Variants in LTBP4 observed in about 807,000 individuals in gnomAD.
The protein encoded by LTBP4 is latent-transforming growth factor beta-binding protein 4.
In LTBP4, 93 loss-of-function variants were observed where a neutral mutation model predicts 180.2. The observed-to-expected ratio is 0.52, with a 90% CI of 0.44 to 0.61. The LOEUF (loss-of-function observed/expected upper bound fraction) is 0.61, where lower values mean the gene tolerates loss of function less well. Among genes scored for constraint, LTBP4 ranks in the 20% least tolerant of loss-of-function variants. The probability of loss-of-function intolerance (pLI) is 0.00; values close to 1 mark genes in which losing one functional copy is unlikely to be tolerated. For synonymous variants in LTBP4, 947 were observed against 934.5 expected, an observed-to-expected ratio of 1.01 and a Z score of -0.24; for missense variants, 2,116 against 2,256.5, an observed-to-expected ratio of 0.94 and a Z score of 1.26.
In LTBP4 at chr19:40,625,297, TA is replaced by T. The variant is rs1568414535; in HGVS notation, c.3833-559del. 4.5e-3 allele frequency among the ~76,000 whole-genome samples: 93 copies of T among 20,536 alleles called. 17 individuals are homozygous for T. Among genetic ancestry groups the T allele is most frequent in the East Asian group, 4.9e-3 (4 of 824 alleles). The allele number at this position is 20,536 out of a possible 152,430, so 13.5% of individuals were successfully genotyped here. A position where few individuals can be genotyped will look rare whatever the true frequency, so the allele number is the denominator to read the frequency against. On this transcript the variant is annotated intron_variant, in intron 26 of 29. Coordinates refer to ENST00000396819, the MANE Select transcript of LTBP4 (RefSeq NM_001042545.2). ...ATATATATATATATATATATATATA[TA>T]TATATATATATATATATATTTTTTT...
rs374404217 is a variant in LTBP4 at position 40,627,126 on chromosome 19, G to A, written c.4137G>A (p.Ala1379=). ...PYGPELYPPP[A]LPYDPYPPPP... is the part of the protein sequence containing the mutation. ...GGCCTGAGTTGTACCCACCACCTGC[G>A]CTACCCTACGACCCCTACCCACCGC... The change falls in exon 28 of 30, where the codon GCG becomes GCA. Residue 1379 remains alanine, a synonymous_variant. Coordinates refer to ENST00000396819, the MANE Select transcript of LTBP4 (RefSeq NM_001042545.2). 3 of 1,613,732 alleles carry A rather than the reference G, an allele frequency of 1.9e-6. No homozygotes were observed. The highest frequency in any genetic ancestry group is 1.7e-5 in the Admixed American group (1 of 59,974).
intron 22 of LTBP4, among the ~76,000 whole-genome samples, chr19:40,620,270 G>T (rs1265531440): frequency 2.0e-5 from 3 of 149,344 alleles, no homozygotes; most frequent in East Asian, 3.9e-4. Flanking sequence ...AGACAGGGTC[G>T]TACTTTCACC....
intron 22 of LTBP4, 104 bp downstream of exon 22, chr19:40,619,597 T>C (rs1599873752): frequency 7.9e-7 from 1 of 1,267,216 alleles, no homozygotes; most frequent in East Asian, 2.5e-5. Flanking sequence ...TAAATACTGT[T>C]GTTTTAAACA....
In LTBP4 at chr19:40,611,198, C is replaced by T. The variant is rs1411042796; in HGVS notation, c.1857C>T (p.Ala619=). 5.6e-6 allele frequency: 9 copies of T among 1,613,608 alleles called. No homozygotes were observed. In the African/African-American group the frequency reaches 1.1e-4, roughly 19 times the overall value. The part of the protein sequence containing the change: ...TQSPGLCGRG[A]CKNLPGSFRC... ...GCCCAGGCCTGTGTGGCCGAGGGGC[C>T]TGCAAGAACCTGCCTGGCTCTTTCC... The change falls in exon 13 of 30, where the codon GCC becomes GCT. Residue 619 remains alanine, a synonymous_variant. Transcript: ENST00000396819. This position sits in a 1 kb window ranked among gnomAD's most constrained non-coding sequence, Gnocchi z 4.4.
chr19:40,614,188 C>G, intron 18 of LTBP4, 127 bp from the exon 19 acceptor site: 1 of 1,430,874 alleles, frequency 7.0e-7, no homozygotes, highest in Non-Finnish European at 9.5e-7. Context: ...CTCTCCTCTA[C>G]CCCAATCTTC....
At chr19:40,621,491 G>T (rs1017142282) in intron 22 of LTBP4, among the ~76,000 whole-genome samples, 5 of 152,182 alleles carry the variant, frequency 3.3e-5, no homozygotes, top group African/African-American at 1.2e-4. Context: ...TCATGGAAGG[G>T]TTCTAAGCAG....
chr19:40,610,180 C>G (rs2081495197), intron 11 of LTBP4: 5 of 504,146 alleles, frequency 9.9e-6, no homozygotes, highest in Admixed American at 7.3e-5. Flanking sequence ...CTCCCTCCCC[C>G]AGGCCCCGCC....
rs907611361 is a variant in LTBP4 at position 40,613,765 on chromosome 19, G to A, written c.2558-151G>A. The A allele has an allele frequency of 3.8e-6, 5 of 1,321,478 alleles. No homozygotes were observed. In the Admixed American group the frequency reaches 5.9e-5, roughly 16 times the overall value. 81.9% of individuals were successfully genotyped at this position (1,321,478 alleles called of 1,614,324 possible). A position where few individuals can be genotyped will look rare whatever the true frequency, so the allele number is the denominator to read the frequency against. ...TAAAGAAGCTGTTCTAAACCCGTCGGGGGGCGGTGTTTGCAGGGAGGGAAG... is the reference window on the plus strand; with the variant it reads ...TAAAGAAGCTGTTCTAAACCCGTCGAGGGGCGGTGTTTGCAGGGAGGGAAG... On this transcript the variant is annotated intron_variant, in intron 17 of 29. Transcript: ENST00000396819. The surrounding 1 kb of genome is among the most constrained non-coding windows in gnomAD (Gnocchi z 5.0).
upstream of LTBP4, chr19:40,599,163 G>T: frequency 1.3e-6 from 2 of 1,578,506 alleles, no homozygotes; most frequent in East Asian, 2.3e-5. Flanking sequence ...TGGGGTGCTA[G>T]GGGCCTGAGT....
At chr19:40,614,151 C>A in intron 18 of LTBP4, 113 bp downstream of exon 18, 1 of 1,489,788 alleles carries the variant, frequency 6.7e-7, no homozygotes, top group Non-Finnish European at 9.1e-7. Flanking sequence ...TACCTCTTTC[C>A]CCCGCCTCCT....
rs538908803 is a variant in LTBP4, at chr19:40,618,685, T to C, written c.3071-662T>C. Among the ~76,000 whole-genome samples the C allele has an allele frequency of 2.0e-5, 3 of 152,358 alleles. No individual in the cohort carries two copies. The East Asian group carries it at 5.8e-4, about 29-fold the overall frequency. The stretch of plus-strand genomic sequence containing the variant: ...CATGAGCCATTGTACCCTACAGATA[T>C]TTTCATTCAACGTTCAATTTATATA... On this transcript the variant is annotated intron_variant, in intron 21 of 29. Transcript: ENST00000396819.
At position 40,611,364 on chromosome 19, in the gene LTBP4, C is replaced by T. The variant is rs936146671; in HGVS notation, c.2023C>T (p.Arg675Cys). ...SFHCACPAGF[R>C]SRGPGAPCQD... ...TCACTGTGCCTGCCCTGCTGGCTTC[C>T]GCTCCCGAGGGCCCGGGGCCCCCTG... Residue 675 changes from arginine to cysteine, a missense_variant, in exon 13 of 30, where the codon CGC (arginine) becomes TGC (cysteine). By Grantham distance (180) the Arg-to-Cys change is radical. This residue lies in a region of LTBP4 where 877 missense variants were observed against 873.6 expected (regional missense o/e 1.00). Transcript: ENST00000396819. The surrounding 1 kb of genome is among the most constrained non-coding windows in gnomAD (Gnocchi z 4.4). 3.1e-6 allele frequency: 5 copies of T among 1,607,850 alleles called. No individual in the cohort carries two copies. The highest frequency in any genetic ancestry group is 2.2e-5 in the South Asian group (2 of 90,846).
rs749410105 is a variant in LTBP4, at chr19:40,605,582, C to T, written c.620C>T (p.Ala207Val). The change falls in exon 3 of 30, where the codon GCG becomes GTG. Residue 207 changes from alanine to valine, a missense_variant. By Grantham distance (64) the Ala-to-Val change is moderately conservative. Coordinates refer to ENST00000396819, the MANE Select transcript of LTBP4 (RefSeq NM_001042545.2). This position sits in a 1 kb window ranked among gnomAD's most constrained non-coding sequence, Gnocchi z 5.5. ...AAPYTVLAQS[A>V]PREDGYSDAS... ...CCCTACACGGTGTTGGCACAGAGCG[C>T]GCCGCGGGAGGACGGCTACTCAGAT... 45 of 1,602,680 alleles carry T rather than the reference C, an allele frequency of 2.8e-5. No individual in the cohort carries two copies. Among genetic ancestry groups the T allele is most frequent in the Non-Finnish European group, 3.1e-5 (37 of 1,175,032 alleles).
chr19:40,627,849 C>T lies in LTBP4; in HGVS notation c.4511C>T (p.Ala1504Val), dbSNP rs746589524. Reference sequence around the variant, plus strand: ...TACCGCCTGGACATGACCCGCATGGCCTGCGTTGGTGAGGGCGGGCCCGGG... The same window carrying T: ...TACCGCCTGGACATGACCCGCATGGTCTGCGTTGGTGAGGGCGGGCCCGGG... ...DGYRLDMTRM[A>V]CVDINECDEA... The change falls in exon 29 of 30, where the codon GCC becomes GTC. Residue 1504 changes from alanine (A) to valine (V), a missense_variant. Ala to Val is a moderately conservative substitution (Grantham distance 64). Around this residue, in one of 5 missense-constraint regions of LTBP4, gnomAD observed 488 missense variants for 458.8 expected, o/e 1.06. Coordinates refer to ENST00000396819, the MANE Select transcript of LTBP4 (RefSeq NM_001042545.2). 6.4e-7 allele frequency: 1 copy of T among 1,565,352 alleles called. No individual in the cohort carries two copies. The highest frequency in any genetic ancestry group is 1.8e-5 in the Admixed American group (1 of 54,294).
In LTBP4 at chr19:40,605,364, A is replaced by G. The variant is rs2081451789; in HGVS notation, c.443-41A>G. 3 of 1,608,580 alleles carry G rather than the reference A, an allele frequency of 1.9e-6. No individual in the cohort carries two copies. In the East Asian group the frequency reaches 6.7e-5, roughly 36 times the overall value. On this transcript the variant is annotated intron_variant, in intron 2 of 29. Coordinates refer to ENST00000396819, the MANE Select transcript of LTBP4 (RefSeq NM_001042545.2). This position sits in a 1 kb window ranked among gnomAD's most constrained non-coding sequence, Gnocchi z 5.5. ...CCTTGTCTAGCCCCACCCCGTAAGA[A>G]CCCGTGTAGACATCCGTTTGCCCGG...
chr19:40,624,205 A>G, intron 26 of LTBP4, 123 bp downstream of exon 26: 1 of 1,195,682 alleles, frequency 8.4e-7, no homozygotes, highest in Non-Finnish European at 1.1e-6. Context: ...TGGCTCGACC[A>G]CGCCCCACTG....
At chr19:40,625,287 TA>T (rs1568414445) in intron 26 of LTBP4, among the ~76,000 whole-genome samples, 232 of 9,694 alleles carry the variant, frequency 0.024, 61 homozygotes, top group Non-Finnish European at 0.027. Flanking sequence ...TATATATATA[TA>T]TATATATATA....
chr19:40,619,148 C>T (rs961783058), intron 21 of LTBP4, among the ~76,000 whole-genome samples, 199 bp from the exon 22 acceptor site: 2 of 152,004 alleles, frequency 1.3e-5, no homozygotes, highest in Non-Finnish European at 2.9e-5. Context: ...TATAGCCCTA[C>T]TCAAAGAACA....
At chr19:40,625,831 CT>C in intron 26 of LTBP4, 25 bp from the exon 27 acceptor site, 2 of 1,528,606 alleles carry the variant, frequency 1.3e-6, no homozygotes, top group Non-Finnish European at 1.8e-6. Context: ...CAGGCCCACT[CT>C]GACACATGCT....
Sources: allele counts gnomAD v4.1 joint callset (sites outside exome capture counted in the v4.1 genomes callset), GRCh38; gene constraint gnomAD v4.1.1; regional missense constraint gnomAD v4.1.1; non-coding constraint Gnocchi (gnomAD v3.1); transcripts MANE v1.5; gene names NCBI Gene and HGNC (gene_info 2026-07-23, HGNC 2026-07-21).